HRG: variants seen among roughly 807,000 people sequenced by gnomAD.
The protein encoded by HRG is histidine-rich glycoprotein.
HRG carries 26 observed loss-of-function variants against 29.5 expected under a neutral mutation model. The observed-to-expected ratio is 0.88, with a 90% CI of 0.65 to 1.22. The LOEUF (loss-of-function observed/expected upper bound fraction) is 1.22. Among genes scored for constraint, HRG ranks in the 50% most tolerant of loss-of-function variants. HRG has a pLI of 0.00. For missense variants in HRG, 671 were observed against 654.5 expected (o/e 1.03, Z -0.28); for synonymous variants, 243 against 240.4 (o/e 1.01, Z -0.10).
intron 1 of HRG, among the ~76,000 whole-genome samples, chr3:186,666,524 G>T (rs1194566908): frequency 6.6e-6 from 1 of 152,164 alleles, no homozygotes; most frequent in Non-Finnish European, 1.5e-5. Flanking sequence ...TAATACACTG[G>T]CACATACAGG....
At chr3:186,673,990 C>T (rs1182581309) in intron 5 of HRG, 1 of 152,158 alleles carries the variant, frequency 6.6e-6, no homozygotes, top group Non-Finnish European at 1.5e-5. Context: ...GAAATTAAAA[C>T]CACTTACCTA....
At chr3:186,670,066 T>G (rs1317329603) in intron 3 of HRG, 38 bp downstream of exon 3, 1 of 1,019,388 alleles carries the variant, frequency 9.8e-7, no homozygotes, top group Admixed American at 1.7e-5. Context: ...AATTCTTGAT[T>G]AATACAAATT....
At chr3:186,667,655 T>G (rs1212738408) in intron 1 of HRG, among the ~76,000 whole-genome samples, 2 of 152,002 alleles carry the variant, frequency 1.3e-5, no homozygotes, top group African/African-American at 4.8e-5. Flanking sequence ...TGAACAGGTC[T>G]GGGTAAATGT....
At chr3:186,667,188 G>C (rs559957776) in intron 1 of HRG, 16 of 152,330 alleles carry the variant, frequency 1.1e-4, no homozygotes, top group African/African-American at 3.8e-4. Context: ...TATGGGACAG[G>C]ATCCCTTTGG....
chr3:186,668,778 G>C, intron 1 of HRG, 157 bp from the exon 2 acceptor site: 1 of 625,130 alleles, frequency 1.6e-6, no homozygotes, highest in South Asian at 1.9e-5. Context: ...CTATGTATTG[G>C]AATCAATAGA....
intron 3 of HRG, 58 bp from the exon 4 acceptor site, chr3:186,671,565 C>T (rs1387493871): frequency 3.2e-6 from 5 of 1,545,938 alleles, no homozygotes; most frequent in Non-Finnish European, 2.7e-6. Context: ...TTCTTGCCAC[C>T]AAGCCACCAT....
chr3:186,671,714 C>CT lies in HRG; in HGVS notation c.483_484insT (p.Leu162SerfsTer2). 4 of 1,613,872 alleles carry CT rather than the reference C, an allele frequency of 2.5e-6. 1 individual carries two copies. Among genetic ancestry groups the CT allele is most frequent in the Non-Finnish European group, 3.4e-6 (4 of 1,179,854 alleles). ...GCTACAGAAAACAAGCCAACAAAGC[C>CT]CTTGAGAAGTACAAAGAGGAGAATG... On this transcript the variant is annotated frameshift_variant, in exon 4 of 7. Transcript: ENST00000232003. LOFTEE classifies it high-confidence loss of function.
chr3:186,674,622 T>C, intron 5 of HRG: 1 of 247,006 alleles, frequency 4.0e-6, no homozygotes, highest in Non-Finnish European at 7.9e-6. Context: ...AGCAGACACT[T>C]GCCTTGACAA....
chr3:186,668,746 A>G (rs920136413), intron 1 of HRG, 189 bp from the exon 2 acceptor site: 1 of 578,472 alleles, frequency 1.7e-6, no homozygotes, highest in Non-Finnish European at 3.1e-6. Flanking sequence ...ACTTAAAAAG[A>G]TTTGGAAATA....
chr3:186,670,423 T>C (rs1718750137), intron 3 of HRG, among the ~76,000 whole-genome samples: 1 of 152,196 alleles, frequency 6.6e-6, no homozygotes, highest in Non-Finnish European at 1.5e-5. Flanking sequence ...ACACTTTCTA[T>C]TTAAGACAAA....
chr3:186,668,146 C>T (rs940269080), intron 1 of HRG, among the ~76,000 whole-genome samples: 2 of 152,198 alleles, frequency 1.3e-5, no homozygotes, highest in Non-Finnish European at 2.9e-5. Flanking sequence ...TAGGATGCAT[C>T]AGCACAGAGC....
Position 186,677,405 on chromosome 3 carries a change from A to G in HRG, c.1100A>G (p.His367Arg). The part of the protein sequence containing the change: ...HEQHPHGHHP[H>R]AHHPHEHDTH... ...CAGCATCCCCACGGACACCATCCCCATGCACACCATCCTCATGAACATGAT... is the reference window on the plus strand; with the variant it reads ...CAGCATCCCCACGGACACCATCCCCGTGCACACCATCCTCATGAACATGAT... The change falls in exon 7 of 7, where the codon CAT (histidine) becomes CGT (arginine). Residue 367 changes from histidine (H) to arginine (R), a missense_variant. Transcript: ENST00000232003. 6.2e-7 allele frequency: 1 copy of G among 1,609,878 alleles called. No individual in the cohort carries two copies. Among genetic ancestry groups the G allele is most frequent in the Non-Finnish European group, 8.5e-7 (1 of 1,177,966 alleles).
chr3:186,669,074 C>A, intron 2 of HRG, 23 bp downstream of exon 2: 2 of 1,204,114 alleles, frequency 1.7e-6, no homozygotes, highest in Non-Finnish European at 2.5e-6. Context: ...GGCACCTTCA[C>A]TCTGCTCTTT....
chr3:186,677,115 T>C lies in HRG; in HGVS notation c.810T>C (p.Arg270=), dbSNP rs367921433. The change falls in exon 7 of 7, where the codon CGT becomes CGC. Residue 270 remains arginine (R), a synonymous_variant. Coordinates refer to ENST00000232003, the MANE Select transcript of HRG (RefSeq NM_000412.5). ...GHPFHWGGHE[R]SSTTKPPFKP... ...CCTTCCACTGGGGTGGGCATGAGCG[T>C]TCTTCTACCACCAAGCCTCCATTCA... 28 of 1,613,952 alleles carry C rather than the reference T, an allele frequency of 1.7e-5. No individual in the cohort carries two copies. The African/African-American group carries it at 2.8e-4, about 16-fold the overall frequency.
Position 186,677,565 on chromosome 3 carries a change from A to C in HRG, c.1260A>C (p.Pro420=). The change falls in exon 7 of 7, where the codon CCA becomes CCC. Residue 420 remains proline, a synonymous_variant. Transcript: ENST00000232003. ...DFQDYGPCDP[P]PHNQGHCCHG... is the part of the protein sequence containing the mutation. ...AAGACTATGGACCTTGTGACCCACCACCCCATAACCAAGGTCACTGTTGCC... is the reference window on the plus strand; with the variant it reads ...AAGACTATGGACCTTGTGACCCACCCCCCCATAACCAAGGTCACTGTTGCC... 1 of 1,613,704 alleles carries C rather than the reference A, an allele frequency of 6.2e-7. No individual in the cohort carries two copies. Among genetic ancestry groups the C allele is most frequent in the Non-Finnish European group, 8.5e-7 (1 of 1,179,852 alleles).
At chr3:186,672,131 A>G (rs943300231) in intron 4 of HRG, among the ~76,000 whole-genome samples, 1 of 152,194 alleles carries the variant, frequency 6.6e-6, no homozygotes. Context: ...GGAAAACTGA[A>G]GTTCAGAGAA....
chr3:186,673,652 A>T (rs531283507), intron 5 of HRG: 1 of 152,250 alleles, frequency 6.6e-6, no homozygotes, highest in Non-Finnish European at 1.5e-5. Flanking sequence ...TATTAATTCC[A>T]CATCATCACA....
chr3:186,671,016 T>A (rs888216385), intron 3 of HRG, among the ~76,000 whole-genome samples: 1 of 151,826 alleles, frequency 6.6e-6, no homozygotes, highest in Non-Finnish European at 1.5e-5. Flanking sequence ...AAACTCTATG[T>A]TAATGCTCTG....
At chr3:186,668,358 C>G (rs1171390715) in intron 1 of HRG, among the ~76,000 whole-genome samples, 2 of 152,090 alleles carry the variant, frequency 1.3e-5, no homozygotes, top group Non-Finnish European at 2.9e-5. Flanking sequence ...CAAGAAAGAC[C>G]ATTCAGGGCC....
Sources: gnomAD v4.1 joint callset for allele counts (sites outside exome capture counted in the v4.1 genomes callset) on GRCh38, gnomAD v4.1.1 for gene constraint, MANE v1.5 for transcripts, NCBI Gene and HGNC (gene_info 2026-07-23, HGNC 2026-07-21) for gene names.